Variants in ABCA13 observed in about 807,000 individuals in gnomAD.
The protein encoded by ABCA13 is ATP-binding cassette sub-family A member 13.
Under a neutral mutation model 478.7 loss-of-function variants are expected in ABCA13, and 476 were observed. The observed-to-expected ratio is 0.99, with a 90% CI of 0.92 to 1.07. The LOEUF (loss-of-function observed/expected upper bound fraction) is 1.07. Among genes scored for constraint, ABCA13 ranks in the 50% least tolerant of loss-of-function variants. The probability of loss-of-function intolerance (pLI) is 0.00; values close to 1 mark genes in which losing one functional copy is unlikely to be tolerated. For synonymous variants in ABCA13, 2,252 were observed against 2,158.9 expected (o/e 1.04, Z -1.20); for missense variants, 6,060 against 5,910.6 (o/e 1.03, Z -0.83).
chr7:48,192,782 C>A (rs1254702761), intron 1 of ABCA13, among the ~76,000 whole-genome samples, 177 bp from the exon 2 acceptor site: 1 of 152,110 alleles, frequency 6.6e-6, no homozygotes, highest in Non-Finnish European at 1.5e-5. Flanking sequence ...AAGGAGATGA[C>A]ACCGTCACAG....
chr7:48,234,310 G>A, intron 8 of ABCA13, 159 bp downstream of exon 8: 3 of 868,924 alleles, frequency 3.5e-6, no homozygotes, highest in Non-Finnish European at 3.8e-6. Flanking sequence ...GACCCCTACT[G>A]TCTCCAGCTT....
intron 48 of ABCA13, among the ~76,000 whole-genome samples, chr7:48,494,271 G>A (rs1203273110): frequency 6.6e-6 from 1 of 152,126 alleles, no homozygotes. Context: ...GATGAAATGA[G>A]AAACCTGCTA....
intron 42 of ABCA13, among the ~76,000 whole-genome samples, chr7:48,438,679 T>C (rs1240825039): frequency 6.6e-6 from 1 of 152,012 alleles, no homozygotes. Flanking sequence ...CCAGTTTCTT[T>C]ACTGATTTTT....
At chr7:48,373,092 T>C (rs1812915025) in intron 33 of ABCA13, among the ~76,000 whole-genome samples, 2 of 152,186 alleles carry the variant, frequency 1.3e-5, no homozygotes, top group South Asian at 2.1e-4. Context: ...ACTATTAAAA[T>C]GATCTGTTTC....
chr7:48,239,401 A>G lies in ABCA13; in HGVS notation c.1058A>G (p.Gln353Arg). The G allele has an allele frequency of 6.2e-7, 1 of 1,611,928 alleles. No individual in the cohort carries two copies. Among genetic ancestry groups the G allele is most frequent in the Non-Finnish European group, 8.5e-7 (1 of 1,178,668 alleles). The change falls in exon 9 of 62, where the codon CAA (glutamine) becomes CGA (arginine). Residue 353 changes from glutamine to arginine, a missense_variant. Physicochemically the swap from Gln to Arg is conservative, Grantham distance 43. This residue lies in a region of ABCA13 where 4,423 missense variants were observed against 4,309.1 expected (regional missense o/e 1.03). Coordinates refer to ENST00000435803, the MANE Select transcript of ABCA13 (RefSeq NM_152701.5). ...VHAVSWLRVYQQVFVQWQQGS... is the reference protein window; with the variant it reads ...VHAVSWLRVYRQVFVQWQQGS... Reference sequence around the variant, plus strand: ...GCAGTCAGCTGGCTGCGAGTCTACCAACAGGTGCTGTCCCCTCTCTCTATG... The same window carrying G: ...GCAGTCAGCTGGCTGCGAGTCTACCGACAGGTGCTGTCCCCTCTCTCTATG...
chr7:48,475,386 A>T (rs1053392409), intron 45 of ABCA13, among the ~76,000 whole-genome samples: 1 of 152,070 alleles, frequency 6.6e-6, no homozygotes, highest in Non-Finnish European at 1.5e-5. Context: ...GTTAGAAGGA[A>T]AAATATTTCT....
intron 15 of ABCA13, among the ~76,000 whole-genome samples, chr7:48,253,263 CT>C (rs1792848209): frequency 6.6e-6 from 1 of 152,302 alleles, no homozygotes; most frequent in South Asian, 2.1e-4. Flanking sequence ...AACTATGCCA[CT>C]TTTCTCATCT....
chr7:48,305,836 C>T (rs1274078019), intron 23 of ABCA13, among the ~76,000 whole-genome samples: 1 of 152,232 alleles, frequency 6.6e-6, no homozygotes, highest in Non-Finnish European at 1.5e-5. Context: ...AGGCATCGCC[C>T]TGGATCCTAA....
At chr7:48,469,800 AT>A (rs564632177) in intron 44 of ABCA13, among the ~76,000 whole-genome samples, 4 of 152,010 alleles carry the variant, frequency 2.6e-5, no homozygotes, top group Non-Finnish European at 4.4e-5. Context: ...CGCACCCATA[AT>A]CCCAGCTACT....
rs150091820 is a variant in ABCA13 at position 48,629,405 on chromosome 7, C to A, written c.14838-13883C>A. Reference sequence around the variant, plus strand: ...TATCAGGATTGGGATTTGGGAGAAGCTTTTCTTACTCTGAGTTCAAACTAT... The same window carrying A: ...TATCAGGATTGGGATTTGGGAGAAGATTTTCTTACTCTGAGTTCAAACTAT... On this transcript the variant is annotated intron_variant, in intron 59 of 61. Coordinates refer to ENST00000435803, the MANE Select transcript of ABCA13 (RefSeq NM_152701.5). Among the ~76,000 whole-genome samples the A allele has an allele frequency of 7.9e-5, 12 of 152,140 alleles. 1 individual carries two copies. Among genetic ancestry groups the A allele is most frequent in the African/African-American group, 2.9e-4 (12 of 41,500 alleles).
chr7:48,429,508 A>G (rs1821861267), intron 42 of ABCA13, among the ~76,000 whole-genome samples: 1 of 152,140 alleles, frequency 6.6e-6, no homozygotes, highest in Admixed American at 6.5e-5. Context: ...TGTGGGTTTT[A>G]TTTACATTTC....
chr7:48,226,682 C>A (rs1029439825), intron 5 of ABCA13, among the ~76,000 whole-genome samples: 3 of 152,056 alleles, frequency 2.0e-5, no homozygotes, highest in African/African-American at 7.2e-5. Context: ...GGAGAGCATG[C>A]GGGCTCAGTG....
intron 7 of ABCA13, among the ~76,000 whole-genome samples, chr7:48,232,445 ACT>A (rs1463646756): frequency 6.6e-6 from 1 of 152,060 alleles, no homozygotes; most frequent in African/African-American, 2.4e-5. Flanking sequence ...TTTTCTATTA[ACT>A]CTCCAGCGAG....
At chr7:48,493,170 A>G (rs905618640) in intron 48 of ABCA13, among the ~76,000 whole-genome samples, 1 of 152,196 alleles carries the variant, frequency 6.6e-6, no homozygotes, top group Admixed American at 6.5e-5. Flanking sequence ...TGTTTATACT[A>G]CTGATGTTTG....
intron 55 of ABCA13, among the ~76,000 whole-genome samples, chr7:48,564,423 G>C (rs1480050383): frequency 6.7e-6 from 1 of 150,016 alleles, no homozygotes; most frequent in African/African-American, 2.5e-5. Context: ...GATAGCTGTA[G>C]TTTCAACTTT....
intron 46 of ABCA13, among the ~76,000 whole-genome samples, chr7:48,481,891 G>A (rs1828807350): frequency 6.6e-6 from 1 of 152,118 alleles, no homozygotes; most frequent in Non-Finnish European, 1.5e-5. Context: ...ATGAATGAGT[G>A]TATTCAGTTG....
In ABCA13 at chr7:48,279,971, T is replaced by C. The variant is rs1475697574; in HGVS notation, c.8726+51T>C. 8 of 1,465,768 alleles carry C rather than the reference T, an allele frequency of 5.5e-6. No individual in the cohort carries two copies. The African/African-American group carries it at 8.5e-5, about 16-fold the overall frequency. The allele number at this position is 1,465,768 out of a possible 1,614,324, so 90.8% of individuals were successfully genotyped here. A position where few individuals can be genotyped will look rare whatever the true frequency, so the allele number is the denominator to read the frequency against. ...GTTTTTTTCTCTACCGCAGTAGCTATAAAATAGAACCATGCAGGAATTACA... is the reference window on the plus strand; with the variant it reads ...GTTTTTTTCTCTACCGCAGTAGCTACAAAATAGAACCATGCAGGAATTACA... On this transcript the variant is annotated intron_variant, in intron 18 of 61. Coordinates refer to ENST00000435803, the MANE Select transcript of ABCA13 (RefSeq NM_152701.5).
At chr7:48,176,088 T>C (rs142472893) in intron 1 of ABCA13, among the ~76,000 whole-genome samples, 186 of 152,248 alleles carry the variant, frequency 1.2e-3, no homozygotes, top group Admixed American at 3.0e-3. Context: ...ATTCACAGGG[T>C]GGTTGTTGTC....
chr7:48,298,366 A>T lies in ABCA13; in HGVS notation c.9200A>T (p.Asp3067Val). 6.2e-7 allele frequency: 1 copy of T among 1,604,832 alleles called. No individual in the cohort carries two copies. Among genetic ancestry groups the T allele is most frequent in the South Asian group, 1.1e-5 (1 of 88,894 alleles). ...TFLSNFTVTE[D>V]VKIKDLMKNI... ...ATTTCTTATTTTCCTTACTTTGCAGATGTAAAAATAAAAGATTTGATGAAG... is the reference window on the plus strand; with the variant it reads ...ATTTCTTATTTTCCTTACTTTGCAGTTGTAAAAATAAAAGATTTGATGAAG... Residue 3067 changes from aspartate to valine, a missense_variant and splice_region_variant, in exon 23 of 62, where the codon GAT becomes GTT. By Grantham distance (152) the Asp-to-Val change is radical (BLOSUM62 -3). Coordinates refer to ENST00000435803, the MANE Select transcript of ABCA13 (RefSeq NM_152701.5).
Sources: allele counts gnomAD v4.1 joint callset (sites outside exome capture counted in the v4.1 genomes callset), GRCh38; gene constraint gnomAD v4.1.1; regional missense constraint gnomAD v4.1.1; transcripts MANE v1.5; gene names NCBI Gene and HGNC (gene_info 2026-07-23, HGNC 2026-07-21).